GOLGA8A: variants seen among roughly 807,000 people sequenced by gnomAD.
The protein encoded by GOLGA8A is golgin A8 family member A.
In GOLGA8A, 3 loss-of-function variants were observed where a neutral mutation model predicts 22.1. The observed-to-expected ratio is 0.14, with a 90% CI of 0.06 to 0.35. The LOEUF (loss-of-function observed/expected upper bound fraction) is 0.35. Ranked by LOEUF, GOLGA8A falls within the 10% of genes least tolerant of loss-of-function variation. The pLI is 1.00. For missense variants in GOLGA8A, 16 were observed against 233.2 expected, an observed-to-expected ratio of 0.07 and a Z score of 6.07; for synonymous variants, 7 against 91.7, an observed-to-expected ratio of 0.08 and a Z score of 5.28.
intron 8 of GOLGA8A, among the ~76,000 whole-genome samples, chr15:34,397,140 TTTGGTGGTGGTGGGGTA>T (rs1166931159): frequency 6.7e-4 from 31 of 46,078 alleles, no homozygotes; most frequent in East Asian, 3.6e-3. Context: ...TTCTTTTTTT[TTTGGTGGTGGTGGGGTA>T]TTTTTTGGAG....
intron 2 of GOLGA8A, among the ~76,000 whole-genome samples, chr15:34,427,329 A>C (rs200175977): frequency 1.2e-5 from 1 of 86,058 alleles, no homozygotes; most frequent in Non-Finnish European, 2.7e-5. Context: ...AGACTCCGTC[A>C]CAAAAAAAAA....
intron 2 of GOLGA8A, among the ~76,000 whole-genome samples, chr15:34,413,943 TGTGA>T (rs752333332): frequency 1.7e-5 from 1 of 60,410 alleles, no homozygotes. Flanking sequence ...GGTCATGCCT[TGTGA>T]GTGTCATTAA....
At chr15:34,423,561 A>G (rs1892864519) in intron 2 of GOLGA8A, among the ~76,000 whole-genome samples, 1 of 148,880 alleles carries the variant, frequency 6.7e-6, no homozygotes, top group South Asian at 2.2e-4. Context: ...AGGAAGCACG[A>G]GGAACTCACA....
chr15:34,435,741 G>C (rs1448882380), intron 1 of GOLGA8A, among the ~76,000 whole-genome samples: 1 of 148,680 alleles, frequency 6.7e-6, no homozygotes, highest in Admixed American at 6.8e-5. Flanking sequence ...TAACAAATGA[G>C]AGGGAAGACT....
intron 2 of GOLGA8A, among the ~76,000 whole-genome samples, chr15:34,422,733 G>T (rs112117555): frequency 1.1e-4 from 11 of 96,862 alleles, no homozygotes; most frequent in African/African-American, 2.7e-4. Context: ...TCTCGCTCTC[G>T]CTCTCTCTCT....
intron 2 of GOLGA8A, among the ~76,000 whole-genome samples, chr15:34,433,618 G>A (rs909729757): frequency 3.4e-5 from 5 of 148,926 alleles, no homozygotes; most frequent in Non-Finnish European, 6.0e-5. Flanking sequence ...TTCCAGCTCT[G>A]GGACTCGGGA....
Position 34,381,267 on chromosome 15 carries a change from A to G in GOLGA8A, c.*144T>C, listed in dbSNP as rs1051076091. The stretch of plus-strand genomic sequence containing the variant: ...ACTCTCTTTTAACTTTTTACAAATA[A>G]ACTTAAACTATAAATTAGAAACACA... On this transcript the variant is annotated 3_prime_UTR_variant, in exon 25 of 25. Coordinates refer to ENST00000359187, the MANE Select transcript of GOLGA8A (RefSeq NM_181077.5). The G allele has an allele frequency of 3.6e-6, 4 of 1,103,510 alleles. No individual in the cohort carries two copies. The highest frequency in any genetic ancestry group is 1.5e-5 in the African/African-American group (1 of 66,106). The allele number at this position is 1,103,510 out of a possible 1,614,324, so 68.4% of individuals were successfully genotyped here.
Position 34,437,791 on chromosome 15 carries a change from G to C in GOLGA8A, c.-1605C>G, listed in dbSNP as rs1171419089. 3.4e-5 allele frequency among the ~76,000 whole-genome samples: 5 copies of C among 148,872 alleles called. 2 individuals are homozygous for C. The highest frequency in any genetic ancestry group is 7.5e-5 in the Non-Finnish European group (5 of 66,982). On this transcript the variant is annotated 5_prime_UTR_variant, in exon 1 of 25. Coordinates refer to ENST00000359187, the MANE Select transcript of GOLGA8A (RefSeq NM_181077.5). ...AGCCGCACACCTCGACTGCTGATTA[G>C]CCCGACAGCTGAATAGCGGCGGGAG...
intron 2 of GOLGA8A, chr15:34,416,490 G>C (rs1892580914): frequency 7.4e-6 from 1 of 134,708 alleles, no homozygotes; most frequent in Non-Finnish European, 1.6e-5. Flanking sequence ...ATTCATATTT[G>C]AGAGAAGGAC....
intron 2 of GOLGA8A, chr15:34,416,264 T>C (rs1427229489): frequency 6.6e-6 from 1 of 151,004 alleles, no homozygotes; most frequent in Non-Finnish European, 1.5e-5. Context: ...TCCTTATTCA[T>C]ATTTTATGTT....
intron 2 of GOLGA8A, among the ~76,000 whole-genome samples, chr15:34,431,163 G>T (rs1893211253): frequency 2.0e-5 from 3 of 147,570 alleles, no homozygotes; most frequent in Non-Finnish European, 3.0e-5. Flanking sequence ...AACCAACTGC[G>T]GGAAACCATA....
In GOLGA8A at chr15:34,422,732, C is replaced by T. The variant is rs1245658931; in HGVS notation, c.-1123+12651G>A. 1.4e-4 allele frequency among the ~76,000 whole-genome samples: 13 copies of T among 92,942 alleles called. 2 individuals are homozygous for T. The highest frequency in any genetic ancestry group is 2.5e-4 in the Non-Finnish European group (9 of 36,660). The allele number at this position is 92,942 out of a possible 152,430, so 61.0% of individuals were successfully genotyped here. ...GCGCTTGTGCGCTCTCTCTCGCTCT[C>T]GCTCTCTCTCTCTCATGCTGATTCT... On this transcript the variant is annotated intron_variant, in intron 2 of 24. Transcript: ENST00000359187.
In GOLGA8A at chr15:34,381,427, G is replaced by C. The variant is rs777543325; in HGVS notation, c.1796C>G (p.Pro599Arg). 1 of 1,610,244 alleles carries C rather than the reference G, an allele frequency of 6.2e-7. No homozygotes were observed. The highest frequency in any genetic ancestry group is 2.2e-5 in the East Asian group (1 of 44,816). ...CVPCFCWAWL[P>R]RRRR is the part of the protein sequence containing the mutation. ...TGGTGGTGTTTATCTCCTTCTTCTC[G>C]GCAGCCAAGCCCAGCAAAAGCATGG... Residue 599 changes from proline (P) to arginine (R), a missense_variant, in exon 25 of 25, where the codon CCG becomes CGG. By Grantham distance (103) the Pro-to-Arg change is moderately radical. Transcript: ENST00000359187.
intron 2 of GOLGA8A, among the ~76,000 whole-genome samples, chr15:34,431,487 C>T (rs1451842158): frequency 1.4e-5 from 2 of 147,652 alleles, no homozygotes; most frequent in East Asian, 3.9e-4. Context: ...GTGAGAACAT[C>T]ATAGAACATA....
Position 34,429,570 on chromosome 15 carries a change from G to A in GOLGA8A, c.-1123+5813C>T, listed in dbSNP as rs1339279874. Among the ~76,000 whole-genome samples the A allele has an allele frequency of 4.0e-5, 6 of 148,982 alleles. 1 individual carries two copies. Among genetic ancestry groups the A allele is most frequent in the Non-Finnish European group, 7.5e-5 (5 of 67,098 alleles). ...TCTTCCAGACTGTGCCTCTCTAGGA[G>A]GGCCTTGGACCCAGAGCCAGAATGG... On this transcript the variant is annotated intron_variant, in intron 2 of 24. Transcript: ENST00000359187.
In GOLGA8A at chr15:34,431,803, TA is replaced by T. The variant is rs569427581; in HGVS notation, c.-1123+3579del. Among the ~76,000 whole-genome samples the T allele has an allele frequency of 1.9e-3, 280 of 148,724 alleles. 22 individuals are homozygous for T. Among genetic ancestry groups the T allele is most frequent in the African/African-American group, 6.5e-3 (264 of 40,364 alleles). On this transcript the variant is annotated intron_variant, in intron 2 of 24. Coordinates refer to ENST00000359187, the MANE Select transcript of GOLGA8A (RefSeq NM_181077.5). ...ATTTTTATTTTTTAAATATTTTATATATTTTTTTAAAATAAAGTAACTGCAC... is the reference window on the plus strand; with the variant it reads ...ATTTTTATTTTTTAAATATTTTATATTTTTTTTAAAATAAAGTAACTGCAC...
intron 1 of GOLGA8A, among the ~76,000 whole-genome samples, chr15:34,435,869 C>T (rs1435975322): frequency 6.7e-6 from 1 of 149,218 alleles, no homozygotes; most frequent in Non-Finnish European, 1.5e-5. Context: ...CAGCTACGAG[C>T]TCCAGCTTTA....
intron 2 of GOLGA8A, among the ~76,000 whole-genome samples, chr15:34,420,747 G>A (rs142520241): frequency 0.26 from 21,159 of 82,824 alleles, 1,461 homozygotes; most frequent in Middle Eastern, 0.36. Context: ...AGCGTCACCC[G>A]AGTGCTCCCG....
intron 2 of GOLGA8A, among the ~76,000 whole-genome samples, chr15:34,429,610 T>C (rs936656370): frequency 6.7e-6 from 1 of 149,124 alleles, no homozygotes; most frequent in Non-Finnish European, 1.5e-5. Context: ...CTGATGCCAC[T>C]GCACATTCTC....
Sources: gnomAD v4.1 joint callset for allele counts (sites outside exome capture counted in the v4.1 genomes callset) on GRCh38, gnomAD v4.1.1 for gene constraint, MANE v1.5 for transcripts, NCBI Gene and HGNC (gene_info 2026-07-23, HGNC 2026-07-21) for gene names.